The following MALRD1 variants were observed in gnomAD, a reference collection of about 807,000 sequenced individuals.
The protein encoded by MALRD1 is MAM and LDL-receptor class A domain-containing protein 1.
Under a neutral mutation model 242.1 loss-of-function variants are expected in MALRD1, and 247 were observed. The observed-to-expected ratio is 1.02, with a 90% CI of 0.92 to 1.13. The LOEUF (loss-of-function observed/expected upper bound fraction) is 1.13, where lower values mean the gene tolerates loss of function less well. Ranked by LOEUF, MALRD1 falls within the 50% of genes most tolerant of loss-of-function variation. MALRD1 has a pLI of 0.00. For synonymous variants in MALRD1, 995 were observed against 866.6 expected (o/e 1.15, Z -2.60); for missense variants, 2,989 against 2,533.1 (o/e 1.18, Z -3.86).
chr10:19,272,632 G>A (rs1260286268), intron 19 of MALRD1, among the ~76,000 whole-genome samples: 2 of 152,030 alleles, frequency 1.3e-5, no homozygotes, highest in Non-Finnish European at 2.9e-5. Flanking sequence ...TTTCATCTAG[G>A]TTTTAAGCCG....
At chr10:19,095,256 A>G (rs572250526) in intron 4 of MALRD1, among the ~76,000 whole-genome samples, 27 of 152,340 alleles carry the variant, frequency 1.8e-4, no homozygotes, top group East Asian at 5.8e-4. Context: ...TAGGAATGGC[A>G]TAGTTTCTTA....
intron 18 of MALRD1, among the ~76,000 whole-genome samples, chr10:19,210,629 A>G (rs1256927154): frequency 3.9e-5 from 6 of 152,206 alleles, no homozygotes; most frequent in East Asian, 1.9e-4. Flanking sequence ...TTAAAGCACT[A>G]TATCTATCTA....
At chr10:19,713,512 A>G (rs941872247) in intron 38 of MALRD1, among the ~76,000 whole-genome samples, 1 of 152,210 alleles carries the variant, frequency 6.6e-6, no homozygotes, top group African/African-American at 2.4e-5. Context: ...CACTAAGTCC[A>G]TTTTTCTGGA....
chr10:19,624,992 G>A (rs901544717), intron 36 of MALRD1, among the ~76,000 whole-genome samples: 1 of 151,918 alleles, frequency 6.6e-6, no homozygotes. Context: ...CTTGAGCCCA[G>A]GCTGTAGTGA....
At chr10:19,509,780 G>C (rs185407269) in intron 31 of MALRD1, among the ~76,000 whole-genome samples, 1 of 152,316 alleles carries the variant, frequency 6.6e-6, no homozygotes, top group African/African-American at 2.4e-5. Context: ...ATGACTATCA[G>C]AAGGATAATA....
intron 31 of MALRD1, among the ~76,000 whole-genome samples, chr10:19,517,560 A>G (rs1021975244): frequency 3.9e-5 from 6 of 152,268 alleles, no homozygotes; most frequent in Non-Finnish European, 7.4e-5. Flanking sequence ...AAAAACACAG[A>G]TTCTAGGTCC....
chr10:19,496,800 A>T (rs1224139614), intron 30 of MALRD1, among the ~76,000 whole-genome samples: 2 of 152,174 alleles, frequency 1.3e-5, no homozygotes, highest in Non-Finnish European at 2.9e-5. Context: ...TGTGGCTGCA[A>T]ATTAGAAGAA....
chr10:19,070,312 G>A (rs922142320), intron 2 of MALRD1, among the ~76,000 whole-genome samples: 1 of 152,014 alleles, frequency 6.6e-6, no homozygotes, highest in African/African-American at 2.4e-5. Context: ...ATTAGCCTAC[G>A]GTTGGGTCAA....
At chr10:19,101,302 C>G (rs894074488) in intron 4 of MALRD1, among the ~76,000 whole-genome samples, 1 of 144,380 alleles carries the variant, frequency 6.9e-6, no homozygotes, top group African/African-American at 2.5e-5. Flanking sequence ...TAACATATAT[C>G]TATATTATAA....
At chr10:19,642,416 C>T (rs1017121022) in intron 36 of MALRD1, among the ~76,000 whole-genome samples, 7 of 152,192 alleles carry the variant, frequency 4.6e-5, no homozygotes, top group African/African-American at 1.7e-4. Context: ...TGACAAATTT[C>T]TTTACTTGAA....
intron 21 of MALRD1, among the ~76,000 whole-genome samples, chr10:19,293,127 A>G (rs1389461473): frequency 1.3e-5 from 2 of 152,198 alleles, no homozygotes; most frequent in Non-Finnish European, 2.9e-5. Flanking sequence ...AGGCCAGTTT[A>G]GAAGCCATAA....
chr10:19,408,053 G>A (rs994583017), intron 28 of MALRD1, among the ~76,000 whole-genome samples: 2 of 152,016 alleles, frequency 1.3e-5, no homozygotes, highest in African/African-American at 4.8e-5. Context: ...TATATTATGG[G>A]TAACATCAGC....
intron 38 of MALRD1, among the ~76,000 whole-genome samples, chr10:19,692,794 GGC>G (rs1349288576): frequency 5.6e-4 from 10 of 18,000 alleles, no homozygotes; most frequent in South Asian, 3.3e-3. Context: ...CCTTTTTGAG[GGC>G]GTATATATAT....
intron 5 of MALRD1, among the ~76,000 whole-genome samples, chr10:19,110,922 CT>C (rs1209233482): frequency 2.0e-5 from 3 of 152,146 alleles, no homozygotes; most frequent in African/African-American, 7.2e-5. Context: ...GACTTTCCTA[CT>C]GTAGGGAAGT....
chr10:19,314,197 T>C (rs756918761), intron 21 of MALRD1, among the ~76,000 whole-genome samples: 3 of 151,564 alleles, frequency 2.0e-5, no homozygotes, highest in African/African-American at 2.4e-5. Flanking sequence ...ACTTATAACT[T>C]ACTGGGCATC....
intron 38 of MALRD1, among the ~76,000 whole-genome samples, chr10:19,698,193 T>C (rs1243579951): frequency 2.6e-5 from 4 of 152,212 alleles, no homozygotes; most frequent in Non-Finnish European, 5.9e-5. Context: ...CTTTGAAGCC[T>C]GAGGAATAAA....
chr10:19,276,611 T>G (rs953926311), intron 19 of MALRD1, among the ~76,000 whole-genome samples: 1 of 152,190 alleles, frequency 6.6e-6, no homozygotes, highest in Non-Finnish European at 1.5e-5. Context: ...ACTCTGTCCT[T>G]CAAGATCTTC....
intron 21 of MALRD1, among the ~76,000 whole-genome samples, chr10:19,284,417 A>G (rs1364435050): frequency 1.1e-5 from 1 of 93,940 alleles, no homozygotes; most frequent in Non-Finnish European, 2.0e-5. Flanking sequence ...CCACCCCACC[A>G]CAGTCCCCAG....
intron 32 of MALRD1, among the ~76,000 whole-genome samples, chr10:19,557,321 G>C (rs551513783): frequency 1.6e-3 from 240 of 152,054 alleles, no homozygotes; most frequent in African/African-American, 5.5e-3. Flanking sequence ...TCCCATTTAT[G>C]GTTCCTGGTT....
Sources: allele counts gnomAD v4.1 joint callset (sites outside exome capture counted in the v4.1 genomes callset), GRCh38; gene constraint gnomAD v4.1.1; transcripts MANE v1.5; gene names NCBI Gene and HGNC (gene_info 2026-07-23, HGNC 2026-07-21).